Variants in BBX observed in about 807,000 individuals in gnomAD.
The protein encoded by BBX is HMG box transcription factor BBX.
In BBX, 30 loss-of-function variants were observed where a neutral mutation model predicts 100.2. The observed-to-expected ratio is 0.30, with a 90% CI of 0.22 to 0.41. The LOEUF (loss-of-function observed/expected upper bound fraction) is 0.41, where lower values mean the gene tolerates loss of function less well. BBX is among the 10% of genes least tolerant of loss of function. The pLI, the probability that BBX is intolerant of heterozygous loss-of-function variation, is 1.00. For missense variants in BBX, 1,023 were observed against 1,129.8 expected (o/e 0.91, Z 1.35); for synonymous variants, 376 against 388.1 (o/e 0.97, Z 0.37).
chr3:107,668,968 CT>C (rs995688209), intron 3 of BBX, among the ~76,000 whole-genome samples: 1 of 152,124 alleles, frequency 6.6e-6, no homozygotes, highest in Non-Finnish European at 1.5e-5. Context: ...GAGACACCTA[CT>C]TTTTCCCATC....
intron 2 of BBX, among the ~76,000 whole-genome samples, chr3:107,593,437 T>C (rs781635569): frequency 2.0e-4 from 31 of 152,332 alleles, no homozygotes; most frequent in Non-Finnish European, 4.0e-4. Context: ...CCTAAGGAGA[T>C]AGGCTTCTAG....
chr3:107,729,545 G>T (rs754551770), intron 6 of BBX, among the ~76,000 whole-genome samples: 1 of 152,092 alleles, frequency 6.6e-6, no homozygotes, highest in African/African-American at 2.4e-5. Flanking sequence ...GTACTCTTTG[G>T]GTGGTAAGGT....
intron 10 of BBX, among the ~76,000 whole-genome samples, chr3:107,760,341 A>G (rs896491443): frequency 6.6e-6 from 1 of 152,252 alleles, no homozygotes; most frequent in African/African-American, 2.4e-5. Context: ...CAGATTGTCC[A>G]AGACTGCTGT....
chr3:107,755,748 T>A, intron 10 of BBX, 70 bp downstream of exon 10: 1 of 1,283,188 alleles, frequency 7.8e-7, no homozygotes, highest in Non-Finnish European at 1.1e-6. Flanking sequence ...TAACAGTGTT[T>A]CCCTAAACTG....
At chr3:107,582,507 A>G (rs939812434) in intron 2 of BBX, among the ~76,000 whole-genome samples, 5 of 152,068 alleles carry the variant, frequency 3.3e-5, no homozygotes, top group African/African-American at 1.2e-4. Flanking sequence ...TAATTTTAAG[A>G]CAGTTCCCAG....
At chr3:107,725,915 T>C (rs1223528759) in intron 5 of BBX, among the ~76,000 whole-genome samples, 3 of 152,058 alleles carry the variant, frequency 2.0e-5, no homozygotes, top group African/African-American at 7.2e-5. Flanking sequence ...AAAAATGTTG[T>C]TATCTGAGAG....
At chr3:107,606,635 C>G (rs937642356) in intron 2 of BBX, among the ~76,000 whole-genome samples, 1 of 151,996 alleles carries the variant, frequency 6.6e-6, no homozygotes, top group African/African-American at 2.4e-5. Context: ...CTATTTCTCT[C>G]TTTTTAAAAA....
At chr3:107,803,665 G>A (rs1407641949) in intron 17 of BBX, among the ~76,000 whole-genome samples, 1 of 152,158 alleles carries the variant, frequency 6.6e-6, no homozygotes, top group Non-Finnish European at 1.5e-5. Context: ...CCATTTTAAT[G>A]ACCGTTAATT....
At chr3:107,680,676 C>T (rs1304922969) in intron 3 of BBX, among the ~76,000 whole-genome samples, 2 of 152,116 alleles carry the variant, frequency 1.3e-5, no homozygotes, top group African/African-American at 2.4e-5. Flanking sequence ...AAAGCTTCTT[C>T]GATTGTTGAC....
intron 2 of BBX, among the ~76,000 whole-genome samples, chr3:107,586,726 T>A (rs2052867630): frequency 6.6e-6 from 1 of 152,150 alleles, no homozygotes; most frequent in East Asian, 1.9e-4. Context: ...CTGTAATTAT[T>A]GTGATGTTGT....
At chr3:107,577,891 G>A (rs142846335) in intron 2 of BBX, among the ~76,000 whole-genome samples, 2 of 152,146 alleles carry the variant, frequency 1.3e-5, no homozygotes, top group African/African-American at 2.4e-5. Context: ...TATATTAGAA[G>A]TACTGTCTTA....
At chr3:107,584,755 G>A (rs921242607) in intron 2 of BBX, among the ~76,000 whole-genome samples, 2 of 117,104 alleles carry the variant, frequency 1.7e-5, no homozygotes, top group African/African-American at 6.6e-5. Flanking sequence ...GCAGTGGCAC[G>A]ATCTCAGCTC....
At chr3:107,524,765 G>A (rs1440028305) in intron 1 of BBX, among the ~76,000 whole-genome samples, 1 of 137,726 alleles carries the variant, frequency 7.3e-6, no homozygotes, top group African/African-American at 2.7e-5. Flanking sequence ...TAGTCCAGGT[G>A]GATCTTGTTG....
At chr3:107,524,851 A>T (rs1576158654) in intron 1 of BBX, among the ~76,000 whole-genome samples, 1 of 135,240 alleles carries the variant, frequency 7.4e-6, no homozygotes, top group Admixed American at 7.4e-5. Context: ...GGGGATGGGG[A>T]CGGAGCGAGC....
At chr3:107,717,992 G>A (rs1230366600) in intron 5 of BBX, among the ~76,000 whole-genome samples, 4 of 151,318 alleles carry the variant, frequency 2.6e-5, no homozygotes, top group Non-Finnish European at 4.4e-5. Context: ...TAGACATCTC[G>A]GTATGTGAAA....
chr3:107,592,172 G>C (rs905976720), intron 2 of BBX, among the ~76,000 whole-genome samples: 1 of 151,916 alleles, frequency 6.6e-6, no homozygotes, highest in South Asian at 2.1e-4. Flanking sequence ...TCTACTTACT[G>C]TTCCTATATT....
intron 10 of BBX, among the ~76,000 whole-genome samples, chr3:107,758,824 C>T (rs540886305): frequency 6.6e-6 from 1 of 152,236 alleles, no homozygotes; most frequent in Admixed American, 6.5e-5. Context: ...TTATACCTCC[C>T]CCATTCTGTC....
rs1249722179 is a variant in BBX at position 107,810,164 on chromosome 3, G to GT, written c.*4708dup. 8 of 146,826 alleles carry GT rather than the reference G, an allele frequency of 5.4e-5. 1 individual carries two copies. In the East Asian group the frequency reaches 1.6e-3, roughly 30 times the overall value. The allele number at this position is 146,826 out of a possible 1,614,324, so 9.1% of individuals were successfully genotyped here. On this transcript the variant is annotated 3_prime_UTR_variant, in exon 18 of 18. Transcript: ENST00000325805. ...TTTGACTCCCTCATAATCCCCATCT[G>GT]TATGTGCTACCCTTCCTTCAAATAT...
intron 3 of BBX, among the ~76,000 whole-genome samples, chr3:107,702,181 T>A (rs1576414433): frequency 6.6e-6 from 1 of 152,164 alleles, no homozygotes; most frequent in Non-Finnish European, 1.5e-5. Context: ...AGAGTTAGGG[T>A]TTATTACTGG....
Sources: gnomAD v4.1 joint callset for allele counts (sites outside exome capture counted in the v4.1 genomes callset) on GRCh38, gnomAD v4.1.1 for gene constraint, MANE v1.5 for transcripts, NCBI Gene and HGNC (gene_info 2026-07-23, HGNC 2026-07-21) for gene names.